PPARGC1A: variants seen among roughly 807,000 people sequenced by gnomAD.
The protein encoded by PPARGC1A is PPARG coactivator 1 alpha.
In PPARGC1A, 25 loss-of-function variants were observed where a neutral mutation model predicts 88.7. The ratio of observed to expected loss-of-function variants is 0.28; its 90% confidence interval spans 0.21 to 0.39. The LOEUF (loss-of-function observed/expected upper bound fraction) is 0.39, where lower values mean the gene tolerates loss of function less well. Among genes scored for constraint, PPARGC1A ranks in the 10% least tolerant of loss-of-function variants. The pLI is 1.00. For synonymous variants in PPARGC1A, 363 were observed against 355.6 expected, an observed-to-expected ratio of 1.02 and a Z score of -0.24; for missense variants, 880 against 968.7, an observed-to-expected ratio of 0.91 and a Z score of 1.22.
chr4:23,897,520 G>T (rs894051059), intron 1 of PPARGC1A, among the ~76,000 whole-genome samples: 4 of 152,172 alleles, frequency 2.6e-5, no homozygotes, highest in Admixed American at 6.5e-5. Context: ...GATCTAAAAT[G>T]CAGTGATGTG....
At chr4:24,230,610 G>C in the PPARGC1A span, among the ~76,000 whole-genome samples, 64 of 152,176 alleles carry the variant, frequency 4.2e-4, no homozygotes, top group East Asian at 0.012. Flanking sequence ...AAACCCTGAG[G>C]ACAGCAAAAG....
chr4:24,182,264 G>T, the PPARGC1A span, among the ~76,000 whole-genome samples: 1 of 152,144 alleles, frequency 6.6e-6, no homozygotes, highest in Non-Finnish European at 1.5e-5. Flanking sequence ...TTCTGTTCCT[G>T]TGTTAGTTTG....
the PPARGC1A span, among the ~76,000 whole-genome samples, chr4:24,248,351 T>G: frequency 2.0e-5 from 3 of 152,068 alleles, no homozygotes; most frequent in African/African-American, 7.2e-5. Context: ...GGTCTCGATC[T>G]CCTGACCTCG....
At chr4:24,000,482 A>T in the PPARGC1A span, among the ~76,000 whole-genome samples, 1 of 147,296 alleles carries the variant, frequency 6.8e-6, no homozygotes, top group South Asian at 2.2e-4. Flanking sequence ...TAATAAAAAA[A>T]TCCAAATACA....
the PPARGC1A span, among the ~76,000 whole-genome samples, chr4:24,141,825 A>G: frequency 3.3e-5 from 5 of 152,182 alleles, no homozygotes; most frequent in Admixed American, 2.0e-4. Flanking sequence ...CAAAGAAAGA[A>G]ACACTCAGTT....
rs777071464 is a variant in PPARGC1A, at chr4:23,813,008, C to T, written c.1898+13G>A. 6.2e-7 allele frequency: 1 copy of T among 1,613,422 alleles called. No individual in the cohort carries two copies. Among genetic ancestry groups the T allele is most frequent in the Admixed American group, 1.7e-5 (1 of 60,010 alleles). On this transcript the variant is annotated intron_variant, in intron 9 of 12. Coordinates refer to ENST00000264867, the MANE Select transcript of PPARGC1A (RefSeq NM_013261.5). ...GATAAAGGGAGCTAAAGGAAAATGA[C>T]ATGCCTCATTACCTGGGCCGACGGC...
the PPARGC1A span, among the ~76,000 whole-genome samples, chr4:24,060,548 G>A: frequency 8.5e-5 from 13 of 152,092 alleles, no homozygotes; most frequent in Non-Finnish European, 1.2e-4. Context: ...AAAAAAAATC[G>A]CTATAAAAAC....
chr4:24,247,476 A>C, the PPARGC1A span, among the ~76,000 whole-genome samples: 1 of 152,172 alleles, frequency 6.6e-6, no homozygotes, highest in Non-Finnish European at 1.5e-5. Flanking sequence ...ATTCCAGCTT[A>C]TCATCATTAT....
chr4:23,938,935 T>G, the PPARGC1A span, among the ~76,000 whole-genome samples: 1 of 152,168 alleles, frequency 6.6e-6, no homozygotes, highest in African/African-American at 2.4e-5. Context: ...CCCCAGTGGA[T>G]GCTCCCTTGG....
At chr4:24,249,831 G>A in the PPARGC1A span, among the ~76,000 whole-genome samples, 2 of 152,124 alleles carry the variant, frequency 1.3e-5, no homozygotes, top group South Asian at 2.1e-4. Context: ...AGGTGAAGGG[G>A]GTTGCTGTAA....
At chr4:23,832,657 T>C (rs1725248448) in intron 2 of PPARGC1A, among the ~76,000 whole-genome samples, 1 of 150,680 alleles carries the variant, frequency 6.6e-6, no homozygotes, top group Admixed American at 6.6e-5. Context: ...TCGCCCAGAC[T>C]GGAGTGCAGT....
At chr4:23,997,273 G>A in the PPARGC1A span, among the ~76,000 whole-genome samples, 2 of 152,044 alleles carry the variant, frequency 1.3e-5, no homozygotes, top group African/African-American at 4.8e-5. Flanking sequence ...AAAAAAAGAA[G>A]GAAGGCAAAA....
the PPARGC1A span, among the ~76,000 whole-genome samples, chr4:24,084,888 C>G: frequency 1.9e-4 from 29 of 152,270 alleles, no homozygotes; most frequent in African/African-American, 7.0e-4. Flanking sequence ...GAACTTATTT[C>G]AGTTCTTCTA....
chr4:24,145,396 C>T, the PPARGC1A span, among the ~76,000 whole-genome samples: 3 of 152,202 alleles, frequency 2.0e-5, no homozygotes, highest in African/African-American at 7.2e-5. Flanking sequence ...GTTGATAACG[C>T]CATTTGACCA....
the PPARGC1A span, among the ~76,000 whole-genome samples, chr4:24,430,255 CTTTTTTT>C: frequency 9.0e-6 from 1 of 110,774 alleles, no homozygotes; most frequent in African/African-American, 3.6e-5. Context: ...TTTTGTATTT[CTTTTTTT>C]TTTTTTTTTT....
the PPARGC1A span, among the ~76,000 whole-genome samples, chr4:24,172,182 G>T: frequency 6.6e-6 from 1 of 152,148 alleles, no homozygotes; most frequent in Non-Finnish European, 1.5e-5. Context: ...ATCACAGCAG[G>T]TCACTGAAAG....
upstream of PPARGC1A, chr4:23,904,008 C>G: frequency 1.0e-6 from 1 of 969,512 alleles, no homozygotes; most frequent in Non-Finnish European, 1.2e-6. Flanking sequence ...AAAATTGAAT[C>G]CATAGATGAT....
the PPARGC1A span, among the ~76,000 whole-genome samples, chr4:24,303,182 A>C: frequency 6.6e-6 from 1 of 152,232 alleles, no homozygotes; most frequent in Admixed American, 6.5e-5. Context: ...CTTTATTTCC[A>C]AGATAGGAGT....
chr4:24,204,630 G>A, the PPARGC1A span, among the ~76,000 whole-genome samples: 2 of 152,012 alleles, frequency 1.3e-5, no homozygotes, highest in African/African-American at 4.8e-5. Context: ...TGGCGGGGGA[G>A]GTGTAAATAT....
Sources: allele counts gnomAD v4.1 joint callset (sites outside exome capture counted in the v4.1 genomes callset), GRCh38; gene constraint gnomAD v4.1.1; transcripts MANE v1.5; gene names NCBI Gene and HGNC (gene_info 2026-07-23, HGNC 2026-07-21).